The following CCBE1 variants were observed in gnomAD, a reference collection of about 807,000 sequenced individuals.
CCBE1 encodes the protein collagen and calcium binding EGF domains 1.
In CCBE1, 37 loss-of-function variants were observed where a neutral mutation model predicts 50.0. The observed-to-expected ratio is 0.74, with a 90% confidence interval of 0.57 to 0.97. The LOEUF (loss-of-function observed/expected upper bound fraction) is 0.97. Among genes scored for constraint, CCBE1 ranks in the 50% least tolerant of loss-of-function variants. CCBE1 has a pLI of 0.00. For missense variants in CCBE1, 538 were observed against 523.8 expected (o/e 1.03, Z -0.26); for synonymous variants, 234 against 203.7 (o/e 1.15, Z -1.27).
intron 2 of CCBE1, among the ~76,000 whole-genome samples, chr18:59,520,524 A>AAC (rs1365227705): frequency 6.6e-6 from 1 of 152,250 alleles, no homozygotes; most frequent in East Asian, 1.9e-4. Flanking sequence ...TTTGCTAAGC[A>AAC]ACTTCTTGCA....
chr18:59,550,280 G>A (rs1477817310), intron 2 of CCBE1, among the ~76,000 whole-genome samples: 2 of 152,154 alleles, frequency 1.3e-5, no homozygotes, highest in Non-Finnish European at 2.9e-5. Flanking sequence ...AATAAAATGT[G>A]CTGGAACACA....
chr18:59,672,180 A>T (rs902019976), intron 2 of CCBE1, among the ~76,000 whole-genome samples: 5 of 152,172 alleles, frequency 3.3e-5, no homozygotes, highest in African/African-American at 9.7e-5. Context: ...TGAGACCAGA[A>T]GCCAAGACAG....
intron 2 of CCBE1, among the ~76,000 whole-genome samples, chr18:59,602,194 A>T (rs1383510472): frequency 1.3e-5 from 2 of 152,024 alleles, no homozygotes; most frequent in Non-Finnish European, 2.9e-5. Context: ...AAAAATGCAA[A>T]CTCAGATAAT....
chr18:59,516,664 G>T lies in CCBE1; in HGVS notation c.213-36426C>A, dbSNP rs139841622. Among the ~76,000 whole-genome samples the T allele has an allele frequency of 5.9e-5, 9 of 152,242 alleles. No homozygotes were observed. In the East Asian group the frequency reaches 1.7e-3, roughly 29 times the overall value. On this transcript the variant is annotated intron_variant, in intron 2 of 10. Coordinates refer to ENST00000439986, the MANE Select transcript of CCBE1 (RefSeq NM_133459.4). ...GGAGATGATTTGGCTCATTACCACG[G>T]ACCTTCCTGGCTTGCTAACTAAGTT...
intron 2 of CCBE1, among the ~76,000 whole-genome samples, chr18:59,593,403 T>G (rs2053303256): frequency 2.0e-5 from 3 of 152,240 alleles, no homozygotes; most frequent in Admixed American, 1.3e-4. Context: ...AAGAAAAACA[T>G]GAATAGTAGA....
chr18:59,601,444 C>G (rs574149980), intron 2 of CCBE1, among the ~76,000 whole-genome samples: 1 of 152,128 alleles, frequency 6.6e-6, no homozygotes, highest in African/African-American at 2.4e-5. Context: ...GTAAGACGTG[C>G]CTTTGCTCCT....
chr18:59,692,964 A>G (rs1425822966), intron 2 of CCBE1, among the ~76,000 whole-genome samples: 4 of 38,554 alleles, frequency 1.0e-4, no homozygotes, highest in Non-Finnish European at 2.3e-4. Flanking sequence ...AAGCACACAC[A>G]CACACACACA....
chr18:59,520,924 C>G (rs1914572717), intron 2 of CCBE1, among the ~76,000 whole-genome samples: 1 of 152,358 alleles, frequency 6.6e-6, no homozygotes. Flanking sequence ...TGTGTTGATA[C>G]AGTGATTTTT....
intron 2 of CCBE1, among the ~76,000 whole-genome samples, chr18:59,624,760 T>G (rs568103676): frequency 6.8e-4 from 104 of 152,352 alleles, no homozygotes; most frequent in Non-Finnish European, 1.3e-3. Flanking sequence ...TTTGGTGACA[T>G]TGGCTAGGTA....
chr18:59,576,773 T>A (rs2053003640), intron 2 of CCBE1, among the ~76,000 whole-genome samples: 1 of 152,232 alleles, frequency 6.6e-6, no homozygotes, highest in Non-Finnish European at 1.5e-5. Context: ...ACAGAGGAGC[T>A]GAAATGCATC....
At chr18:59,493,259 A>G (rs1282892574) in intron 2 of CCBE1, among the ~76,000 whole-genome samples, 1 of 152,226 alleles carries the variant, frequency 6.6e-6, no homozygotes, top group Non-Finnish European at 1.5e-5. Context: ...CACATGCATA[A>G]AATCCTCAAG....
intron 2 of CCBE1, among the ~76,000 whole-genome samples, chr18:59,598,008 G>A (rs1235411685): frequency 2.0e-5 from 3 of 152,326 alleles, no homozygotes; most frequent in Middle Eastern, 3.4e-3. Context: ...AGAAAGAAAG[G>A]AAACTAGAGA....
intron 2 of CCBE1, among the ~76,000 whole-genome samples, chr18:59,690,956 G>C (rs1368280637): frequency 1.3e-5 from 2 of 152,210 alleles, no homozygotes; most frequent in Admixed American, 1.3e-4. Context: ...TCTAGCACCT[G>C]TTACACATTA....
intron 2 of CCBE1, among the ~76,000 whole-genome samples, chr18:59,668,826 T>TTTTA (rs1457734983): frequency 2.8e-5 from 4 of 145,394 alleles, no homozygotes; most frequent in Non-Finnish European, 6.0e-5. Flanking sequence ...AGTCTTTTTT[T>TTTTA]TTTTTTTTTT....
chr18:59,608,124 A>G (rs1435703180), intron 2 of CCBE1, among the ~76,000 whole-genome samples: 2 of 152,126 alleles, frequency 1.3e-5, no homozygotes, highest in African/African-American at 4.8e-5. Flanking sequence ...CGTCTCGAAA[A>G]ATAATAATAA....
intron 2 of CCBE1, among the ~76,000 whole-genome samples, chr18:59,676,294 C>A (rs575501044): frequency 6.6e-6 from 1 of 152,192 alleles, no homozygotes; most frequent in Non-Finnish European, 1.5e-5. Context: ...GTTGTTTTCG[C>A]CACATGGACT....
chr18:59,665,179 C>T (rs1288417613), intron 2 of CCBE1, among the ~76,000 whole-genome samples: 1 of 124,770 alleles, frequency 8.0e-6, no homozygotes, highest in Non-Finnish European at 1.7e-5. Context: ...CCAGAGTCCC[C>T]CCGAGACAAA....
At chr18:59,480,620 A>G (rs1260207795) in intron 2 of CCBE1, among the ~76,000 whole-genome samples, 1 of 152,194 alleles carries the variant, frequency 6.6e-6, no homozygotes, top group Admixed American at 6.6e-5. Context: ...CTTGTTTATT[A>G]TAACAATGAA....
At chr18:59,505,777 G>GGA (rs1913843232) in intron 2 of CCBE1, among the ~76,000 whole-genome samples, 1 of 152,198 alleles carries the variant, frequency 6.6e-6, no homozygotes, top group East Asian at 1.9e-4. Flanking sequence ...GCCCAAAGAG[G>GGA]GAGATAAGAT....
Sources: allele counts gnomAD v4.1 joint callset (sites outside exome capture counted in the v4.1 genomes callset), GRCh38; gene constraint gnomAD v4.1.1; transcripts MANE v1.5; gene names NCBI Gene and HGNC (gene_info 2026-07-23, HGNC 2026-07-21).